The following ATG2B variants were observed in gnomAD, a reference collection of about 807,000 sequenced individuals.
ATG2B encodes autophagy-related protein 2 homolog B.
Under a neutral mutation model 241.3 loss-of-function variants are expected in ATG2B, and 121 were observed. The observed-to-expected ratio is 0.50, with a 90% CI of 0.43 to 0.58. The LOEUF is 0.58. ATG2B is among the 20% of genes least tolerant of loss of function. The probability of loss-of-function intolerance (pLI) is 0.00; values close to 1 mark genes in which losing one functional copy is unlikely to be tolerated. For synonymous variants in ATG2B, 858 were observed against 876.6 expected (o/e 0.98, Z 0.37); for missense variants, 2,306 against 2,491.6 (o/e 0.93, Z 1.59).
In ATG2B at chr14:96,303,146, C is replaced by T. The variant is rs1886839643; in HGVS notation, c.4952G>A (p.Arg1651Gln). ...QVFIVQDLEI[R>Q]DRLATSQMNK... ...CATTTGTGATGTTGCCAAACGATCT[C>T]GAATCTCAAGATCCTGAACAATGAA... Residue 1651 changes from arginine (R) to glutamine (Q), a missense_variant, in exon 33 of 42, where the codon CGA becomes CAA. Coordinates refer to ENST00000359933, the MANE Select transcript of ATG2B (RefSeq NM_018036.7). 1.4e-5 allele frequency: 22 copies of T among 1,613,196 alleles called. No homozygotes were observed. The highest frequency in any genetic ancestry group is 2.2e-5 in the East Asian group (1 of 44,840).
chr14:96,362,780 C>A (rs761189085), intron 1 of ATG2B, 35 bp downstream of exon 1: 3 of 1,579,506 alleles, frequency 1.9e-6, no homozygotes, highest in South Asian at 1.1e-5. Context: ...AAGAGGGGAG[C>A]GAGCCCCGCC....
intron 4 of ATG2B, among the ~76,000 whole-genome samples, chr14:96,344,021 G>A (rs1339757616): frequency 6.6e-6 from 1 of 152,206 alleles, no homozygotes; most frequent in African/African-American, 2.4e-5. Flanking sequence ...TCTGTTGGCA[G>A]TTCATACAGC....
Position 96,331,552 on chromosome 14 carries a change from C to T in ATG2B, c.1554G>A (p.Val518=). Residue 518 remains valine, a synonymous_variant, in exon 11 of 42, where the codon GTG becomes GTA. Transcript: ENST00000359933. The part of the protein sequence containing the change: ...RLAVGTFSIS[V]LHIDPLSPPE... ...GTGGAGATAAAGGATCAATGTGAAG[C>T]ACAGAGATTGAAAAAGTTCCCACAG... The T allele has an allele frequency of 6.2e-7, 1 of 1,614,058 alleles. No homozygotes were observed. Among genetic ancestry groups the T allele is most frequent in the Non-Finnish European group, 8.5e-7 (1 of 1,179,950 alleles).
chr14:96,360,218 CTATT>C (rs1179592500), intron 1 of ATG2B, among the ~76,000 whole-genome samples: 3 of 152,222 alleles, frequency 2.0e-5, no homozygotes, highest in Admixed American at 6.5e-5. Context: ...TCTCCACTGA[CTATT>C]TATGTATTTA....
rs116855752 is a variant in ATG2B, at chr14:96,320,511, C to T, written c.2879+1601G>A. On this transcript the variant is annotated intron_variant, in intron 18 of 41. Transcript: ENST00000359933. ...AAAAAAAAGACAAAATAGTCAGATG[C>T]CACATGCAGGATTAAAAAAAAGGAA... 3.8e-3 allele frequency among the ~76,000 whole-genome samples: 577 copies of T among 151,472 alleles called. 22 individuals carry two copies. In the South Asian group the frequency reaches 0.057, roughly 15 times the overall value.
In ATG2B at chr14:96,313,413, G is replaced by T; in HGVS notation, c.3665C>A (p.Ala1222Asp). 1 of 1,573,978 alleles carries T rather than the reference G, an allele frequency of 6.4e-7. No individual in the cohort carries two copies. The highest frequency in any genetic ancestry group is 8.6e-7 in the Non-Finnish European group (1 of 1,164,424). The change falls in exon 24 of 42, where the codon GCT becomes GAT. Residue 1222 changes from alanine to aspartate, a missense_variant. Around this residue, in one of 2 missense-constraint regions of ATG2B, gnomAD observed 1,927 missense variants for 2,011.2 expected, o/e 0.96. Coordinates refer to ENST00000359933, the MANE Select transcript of ATG2B (RefSeq NM_018036.7). ...HEQILYFLNI[A>D]DEPVLGYNPP... Reference sequence around the variant, plus strand: ...ATTATATCCCAAAACAGGTTCATCAGCAATATTCAAGAAGTATAAAATCTA... The same window carrying T: ...ATTATATCCCAAAACAGGTTCATCATCAATATTCAAGAAGTATAAAATCTA...
At position 96,316,559 on chromosome 14, in the gene ATG2B, G is replaced by C; in HGVS notation, c.3335C>G (p.Ser1112Cys). ...TTTATGGTACAGACTGAAACTGCTA[G>C]AATGAAGGCAAATGTAGTGCTTGTC... The part of the protein sequence containing the change: ...FDDKHYICLH[S>C]SSFSLYHKGI... Residue 1112 changes from serine (S) to cysteine (C), a missense_variant, in exon 21 of 42, where the codon TCT (serine) becomes TGT (cysteine). Ser to Cys is a moderately radical substitution (Grantham distance 112). Around this residue, in one of 2 missense-constraint regions of ATG2B, gnomAD observed 1,927 missense variants for 2,011.2 expected, o/e 0.96. Coordinates refer to ENST00000359933, the MANE Select transcript of ATG2B (RefSeq NM_018036.7). 6.2e-7 allele frequency: 1 copy of C among 1,613,644 alleles called. No homozygotes were observed. Among genetic ancestry groups the C allele is most frequent in the Non-Finnish European group, 8.5e-7 (1 of 1,179,806 alleles).
chr14:96,285,771 C>T lies in ATG2B; in HGVS notation c.6221G>A (p.Arg2074His), dbSNP rs770108588. 4 of 1,613,882 alleles carry T rather than the reference C, an allele frequency of 2.5e-6. No individual in the cohort carries two copies. The highest frequency in any genetic ancestry group is 1.7e-5 in the Admixed American group (1 of 60,016). The stretch of plus-strand genomic sequence containing the variant: ...TCCAAGCCATCAGTCATCCCCGTGG[C>T]GCCATTTCTGTGACTCGTCTTGCCG... ...DVRQDESQKW[R>H]HGDD Residue 2074 changes from arginine (R) to histidine (H), a missense_variant, in exon 42 of 42, where the codon CGC (arginine) becomes CAC (histidine). Physicochemically the swap from Arg to His is conservative, Grantham distance 29 (BLOSUM62 0). Transcript: ENST00000359933. This position sits in a 1 kb window ranked among gnomAD's most constrained non-coding sequence, Gnocchi z 4.2.
At chr14:96,305,854 A>C in intron 30 of ATG2B, 39 bp from the exon 31 acceptor site, 1 of 1,506,306 alleles carries the variant, frequency 6.6e-7, no homozygotes, top group Non-Finnish European at 9.2e-7. Flanking sequence ...TCTCTTTTCT[A>C]ATTAGAAACA....
At position 96,302,248 on chromosome 14, in the gene ATG2B, A is replaced by G. The variant is rs1886813134; in HGVS notation, c.5038-140T>C. The G allele has an allele frequency of 1.3e-5, 8 of 607,046 alleles. No individual in the cohort carries two copies. The South Asian group carries it at 1.7e-4, about 13-fold the overall frequency. The allele number at this position is 607,046 out of a possible 1,614,324, so 37.6% of individuals were successfully genotyped here. On this transcript the variant is annotated intron_variant, in intron 33 of 41. Transcript: ENST00000359933. Reference sequence around the variant, plus strand: ...GGAATTGTTTACCCTCTTTCCTTAAAAGTCTGAATCAAACATTTTTGGGTC... The same window carrying G: ...GGAATTGTTTACCCTCTTTCCTTAAGAGTCTGAATCAAACATTTTTGGGTC...
chr14:96,323,240 T>C (rs1887503969), intron 16 of ATG2B, among the ~76,000 whole-genome samples: 1 of 152,210 alleles, frequency 6.6e-6, no homozygotes, highest in Non-Finnish European at 1.5e-5. Flanking sequence ...AAAGGGCTGG[T>C]GCTGTTTCTG....
chr14:96,287,253 C>CAAAAA (rs34710412), intron 41 of ATG2B, among the ~76,000 whole-genome samples: 208 of 77,124 alleles, frequency 2.7e-3, no homozygotes, highest in Non-Finnish European at 3.7e-3. Context: ...GACTCCGTCT[C>CAAAAA]AAAAAAAAAA....
chr14:96,314,979 C>T (rs1437833836), intron 23 of ATG2B, among the ~76,000 whole-genome samples, 175 bp downstream of exon 23: 1 of 152,270 alleles, frequency 6.6e-6, no homozygotes, highest in East Asian at 1.9e-4. Flanking sequence ...GCATGAGCCA[C>T]CGTGCCCGGC....
chr14:96,310,326 T>C (rs893364896), intron 28 of ATG2B, among the ~76,000 whole-genome samples: 1 of 152,166 alleles, frequency 6.6e-6, no homozygotes, highest in African/African-American at 2.4e-5. Flanking sequence ...AAAATAATCC[T>C]GAACAAAAGA....
chr14:96,359,333 A>G (rs970446139), intron 1 of ATG2B, among the ~76,000 whole-genome samples: 1 of 152,008 alleles, frequency 6.6e-6, no homozygotes, highest in Non-Finnish European at 1.5e-5. Flanking sequence ...AGCCTAGATC[A>G]CGCCACTGCA....
In ATG2B at chr14:96,362,872, G is replaced by A. The variant is rs758669863; in HGVS notation, c.105C>T (p.Leu35=). The stretch of plus-strand genomic sequence containing the variant: ...CGGTGCCTTGGTACAGGTCCAGGCT[G>A]AGCTGCTCCAGGCTCAGCTTCTCCT... ...FLQEKLSLEQ[L]SLDLYQGTGS... The change falls in exon 1 of 42, where the codon CTC becomes CTT. Residue 35 remains leucine, a synonymous_variant. Coordinates refer to ENST00000359933, the MANE Select transcript of ATG2B (RefSeq NM_018036.7). 1.9e-6 allele frequency: 3 copies of A among 1,613,302 alleles called. No homozygotes were observed. Among genetic ancestry groups the A allele is most frequent in the Non-Finnish European group, 2.5e-6 (3 of 1,179,980 alleles).
chr14:96,359,334 C>T (rs980516378), intron 1 of ATG2B, among the ~76,000 whole-genome samples: 3 of 151,584 alleles, frequency 2.0e-5, no homozygotes, highest in Admixed American at 6.6e-5. Context: ...GCCTAGATCA[C>T]GCCACTGCAC....
rs1595290201 is a variant in ATG2B, at chr14:96,289,193, TAAATAA to T, written c.6006+457_6006+462del. 2.0e-5 allele frequency among the ~76,000 whole-genome samples: 3 copies of T among 152,272 alleles called. No individual in the cohort carries two copies. The highest frequency in any genetic ancestry group is 4.8e-5 in the African/African-American group (2 of 41,546). ...GTATGTTTTGCTTATAAATACATAC[TAAATAA>T]AAATACATACATAATAAAACTATAT... On this transcript the variant is annotated intron_variant, in intron 41 of 41. Coordinates refer to ENST00000359933, the MANE Select transcript of ATG2B (RefSeq NM_018036.7). This position sits in a 1 kb window ranked among gnomAD's most constrained non-coding sequence, Gnocchi z 4.3.
In ATG2B at chr14:96,289,763, G is replaced by A. The variant is rs1162693262; in HGVS notation, c.5899C>T (p.Leu1967Phe). ...TTGGTCTTCTTGGGCTCGATAGAAA[G>A]GGTACCAGGAGACACCATATCATAA... ...TAYDMVSPGT[L>F]SIEPKKTKRF... Residue 1967 changes from leucine to phenylalanine, a missense_variant, in exon 41 of 42, where the codon CTT (leucine) becomes TTT (phenylalanine). Coordinates refer to ENST00000359933, the MANE Select transcript of ATG2B (RefSeq NM_018036.7). This position sits in a 1 kb window ranked among gnomAD's most constrained non-coding sequence, Gnocchi z 4.3. The A allele has an allele frequency of 6.2e-7, 1 of 1,614,156 alleles. No homozygotes were observed. Among genetic ancestry groups the A allele is most frequent in the South Asian group, 1.1e-5 (1 of 91,084 alleles).
Sources: gnomAD v4.1 joint callset for allele counts (sites outside exome capture counted in the v4.1 genomes callset) on GRCh38, gnomAD v4.1.1 for gene constraint, gnomAD v4.1.1 regional missense constraint, Gnocchi (gnomAD v3.1) non-coding constraint, MANE v1.5 for transcripts, NCBI Gene and HGNC (gene_info 2026-07-23, HGNC 2026-07-21) for gene names.